TRAK1: variants seen among roughly 807,000 people sequenced by gnomAD.
The protein encoded by TRAK1 is trafficking kinesin protein 1.
In TRAK1, 33 loss-of-function variants were observed where a neutral mutation model predicts 92.1. The ratio of observed to expected loss-of-function variants is 0.36; its 90% CI spans 0.27 to 0.48. TRAK1 has a LOEUF of 0.48. Among genes scored for constraint, TRAK1 ranks in the 20% least tolerant of loss-of-function variants. The probability of loss-of-function intolerance (pLI) is 0.99; values close to 1 mark genes in which losing one functional copy is unlikely to be tolerated. For synonymous variants in TRAK1, 521 were observed against 517.3 expected, an observed-to-expected ratio of 1.01 and a Z score of -0.10; for missense variants, 1,123 against 1,257.9, an observed-to-expected ratio of 0.89 and a Z score of 1.62.
At chr3:42,176,778 C>T in intron 2 of TRAK1, 36 bp from the exon 3 acceptor site, 5 of 1,586,740 alleles carry the variant, frequency 3.2e-6, no homozygotes, top group Non-Finnish European at 4.3e-6. Context: ...AGGTTTGTGA[C>T]ATTGGGAGTC....
chr3:42,136,182 A>G (rs1240332896), intron 2 of TRAK1, among the ~76,000 whole-genome samples: 1 of 152,126 alleles, frequency 6.6e-6, no homozygotes, highest in African/African-American at 2.4e-5. Flanking sequence ...TGGTGATGAC[A>G]TGGCATTGGG....
chr3:42,056,999 T>C (rs1457058010), intron 1 of TRAK1, among the ~76,000 whole-genome samples: 1 of 152,214 alleles, frequency 6.6e-6, no homozygotes, highest in Non-Finnish European at 1.5e-5. Context: ...ACCTGAGCCG[T>C]GCACAGCTGC....
upstream of TRAK1, among the ~76,000 whole-genome samples, chr3:42,085,054 G>A (rs958994174): frequency 3.9e-5 from 6 of 152,050 alleles, no homozygotes; most frequent in Non-Finnish European, 1.5e-5. Flanking sequence ...CTTTTCGAGT[G>A]TTTACATGAC....
At chr3:42,182,829 C>G (rs1020978774) in intron 3 of TRAK1, among the ~76,000 whole-genome samples, 1 of 152,186 alleles carries the variant, frequency 6.6e-6, no homozygotes, top group Admixed American at 6.5e-5. Flanking sequence ...GGGTGGCTAT[C>G]CAAGACGTTA....
chr3:42,160,926 A>G (rs2149302269), intron 2 of TRAK1, among the ~76,000 whole-genome samples: 1 of 152,236 alleles, frequency 6.6e-6, no homozygotes, highest in South Asian at 2.1e-4. Context: ...TTCAGTTGTT[A>G]TCTTGTGACT....
chr3:42,157,913 A>G (rs955721621), intron 2 of TRAK1, among the ~76,000 whole-genome samples: 1 of 152,238 alleles, frequency 6.6e-6, no homozygotes, highest in Non-Finnish European at 1.5e-5. Flanking sequence ...TTTTTGTACT[A>G]TCCAGGAGTT....
chr3:42,045,145 A>G (rs1269908467), intron 1 of TRAK1, among the ~76,000 whole-genome samples: 2 of 152,184 alleles, frequency 1.3e-5, no homozygotes. Flanking sequence ...AACTGTATTT[A>G]GAAGCTGGAC....
intron 1 of TRAK1, among the ~76,000 whole-genome samples, chr3:42,063,111 C>T (rs1028062797): frequency 2.0e-5 from 3 of 152,234 alleles, no homozygotes; most frequent in African/African-American, 4.8e-5. Context: ...GGGTCAAATC[C>T]ATCCCACCGC....
intron 1 of TRAK1, among the ~76,000 whole-genome samples, chr3:42,077,215 T>G (rs1704201173): frequency 1.3e-5 from 2 of 152,242 alleles, no homozygotes; most frequent in Admixed American, 1.3e-4. Flanking sequence ...ACACTGAATC[T>G]GTAAATTGCT....
At chr3:42,134,196 CCTTCCCCTTCCCCCCTCCCCTCCT>C (rs1405800517) in intron 2 of TRAK1, among the ~76,000 whole-genome samples, 2 of 99,206 alleles carry the variant, frequency 2.0e-5, no homozygotes, top group African/African-American at 4.1e-5. Context: ...TTCCCCCTCC[CCTTCCCCTTCCCCCCTCCCCTCCT>C]CTCCTCTCCC....
chr3:42,162,528 A>T (rs968527344), intron 2 of TRAK1, among the ~76,000 whole-genome samples: 20 of 152,218 alleles, frequency 1.3e-4, no homozygotes, highest in African/African-American at 4.3e-4. Flanking sequence ...TAATAGGGGG[A>T]TACGTGTGAC....
Position 42,077,449 on chromosome 3 carries a change from C to T in TRAK1, c.-518-9655C>T, listed in dbSNP as rs530265590. 1.6e-4 allele frequency among the ~76,000 whole-genome samples: 25 copies of T among 152,198 alleles called. No individual in the cohort carries two copies. In the East Asian group the frequency reaches 4.8e-3, roughly 29 times the overall value. On this transcript the variant is annotated intron_variant, in intron 1 of 16. Transcript: ENST00000487159. ...GATTACAGATGTGTGCCACCATGCC[C>T]AGCTAATTTTTGTATTTTTAGCAGA...
At chr3:42,216,044 G>A (rs781696654) in intron 14 of TRAK1, among the ~76,000 whole-genome samples, 1 of 152,198 alleles carries the variant, frequency 6.6e-6, no homozygotes, top group Non-Finnish European at 1.5e-5. Flanking sequence ...GGAAGAAAAT[G>A]CATGAGCAGG....
intron 1 of TRAK1, among the ~76,000 whole-genome samples, chr3:42,072,475 T>C (rs1703976417): frequency 6.6e-6 from 1 of 152,056 alleles, no homozygotes; most frequent in Admixed American, 6.6e-5. Context: ...GAGAGGGAGC[T>C]ATTTATGGCA....
At chr3:42,169,952 A>G (rs750515190) in intron 2 of TRAK1, among the ~76,000 whole-genome samples, 5 of 152,228 alleles carry the variant, frequency 3.3e-5, no homozygotes, top group Non-Finnish European at 7.3e-5. Flanking sequence ...GGAAATTCCC[A>G]GATGGAGAAG....
intron 1 of TRAK1, among the ~76,000 whole-genome samples, chr3:42,070,898 C>T (rs1021398525): frequency 1.3e-5 from 2 of 152,176 alleles, no homozygotes; most frequent in East Asian, 3.8e-4. Flanking sequence ...AGCATGTTTG[C>T]CAGGAGCTAT....
rs546670789 is a variant in TRAK1 at position 42,223,055 on chromosome 3, C to G, written c.2180C>G (p.Thr727Ser). The G allele has an allele frequency of 4.3e-6, 7 of 1,614,000 alleles. No homozygotes were observed. The highest frequency in any genetic ancestry group is 5.9e-6 in the Non-Finnish European group (7 of 1,180,038). ...RLSLAESFTN[T>S]RESTTTMSTS... ...AGCCTGGCTGAGTCCTTCACTAACA[C>G]CCGTGAGTCCACGACCACCATGAGC... The change falls in exon 16 of 16, where the codon ACC becomes AGC. Residue 727 changes from threonine to serine, a missense_variant. By Grantham distance (58) the Thr-to-Ser change is moderately conservative. Transcript: ENST00000327628. The surrounding 1 kb of genome is among the most constrained non-coding windows in gnomAD (Gnocchi z 6.1).
intron 1 of TRAK1, among the ~76,000 whole-genome samples, chr3:42,111,637 C>T (rs1708419984): frequency 6.6e-6 from 1 of 152,092 alleles, no homozygotes; most frequent in South Asian, 2.1e-4. Flanking sequence ...CCTCGTGATC[C>T]TCCCACCTAG....
At chr3:42,173,631 C>T (rs528815268) in intron 2 of TRAK1, among the ~76,000 whole-genome samples, 37 of 152,178 alleles carry the variant, frequency 2.4e-4, no homozygotes, top group Non-Finnish European at 4.1e-4. Context: ...GCCTTGCTCT[C>T]GTGTCCTTTA....
Sources: gnomAD v4.1 joint callset for allele counts (sites outside exome capture counted in the v4.1 genomes callset) on GRCh38, gnomAD v4.1.1 for gene constraint, Gnocchi (gnomAD v3.1) non-coding constraint, MANE v1.5 for transcripts, NCBI Gene and HGNC (gene_info 2026-07-23, HGNC 2026-07-21) for gene names.